The following THRB variants were observed in gnomAD, a reference collection of about 807,000 sequenced individuals.
THRB encodes nuclear receptor subfamily 1 group A member 2.
A neutral mutation model predicts 47.8 loss-of-function variants in THRB; 12 were observed. The observed-to-expected ratio is 0.25, with a 90% confidence interval of 0.16 to 0.41. The LOEUF is 0.41. Ranked by LOEUF, THRB falls within the 10% of genes least tolerant of loss-of-function variation. THRB has a pLI of 1.00. For synonymous variants in THRB, 218 were observed against 212.2 expected (o/e 1.03, Z -0.24); for missense variants, 348 against 589.2 (o/e 0.59, Z 4.24).
intron 1 of THRB, among the ~76,000 whole-genome samples, chr3:24,487,347 C>T (rs1466208465): frequency 8.2e-6 from 1 of 122,452 alleles, no homozygotes; most frequent in African/African-American, 4.2e-5. Context: ...CACACAAGCA[C>T]ACACACACAC....
At chr3:24,470,245 C>G (rs530398025) in intron 1 of THRB, among the ~76,000 whole-genome samples, 1 of 152,294 alleles carries the variant, frequency 6.6e-6, no homozygotes, top group East Asian at 1.9e-4. Flanking sequence ...TTATGAGAAA[C>G]AAATTGTCAC....
intron 9 of THRB, among the ~76,000 whole-genome samples, chr3:24,130,397 A>T (rs2033662503): frequency 6.6e-6 from 1 of 152,138 alleles, no homozygotes; most frequent in Non-Finnish European, 1.5e-5. Context: ...CCTTCAACTG[A>T]AATATCTCTT....
At chr3:24,278,986 C>A (rs74417927) in intron 3 of THRB, among the ~76,000 whole-genome samples, 1 of 151,964 alleles carries the variant, frequency 6.6e-6, no homozygotes, top group Non-Finnish European at 1.5e-5. Context: ...TTAGGACTAC[C>A]GGTGCATACT....
At chr3:24,332,599 C>T (rs2061994156) in intron 2 of THRB, among the ~76,000 whole-genome samples, 1 of 152,220 alleles carries the variant, frequency 6.6e-6, no homozygotes, top group African/African-American at 2.4e-5. Context: ...ATTCTTTAGG[C>T]ACTGCTCCTA....
chr3:24,414,364 C>T (rs2068570332), intron 1 of THRB, among the ~76,000 whole-genome samples: 1 of 151,796 alleles, frequency 6.6e-6, no homozygotes, highest in Non-Finnish European at 1.5e-5. Flanking sequence ...ATGGTAAGAA[C>T]GTATTTATTG....
chr3:24,247,602 G>A (rs888739805), intron 3 of THRB, among the ~76,000 whole-genome samples: 2 of 152,086 alleles, frequency 1.3e-5, no homozygotes, highest in Non-Finnish European at 1.5e-5. Flanking sequence ...CATTTATATT[G>A]CCTTTTTACA....
At chr3:24,433,359 G>A (rs1042481643) in intron 1 of THRB, among the ~76,000 whole-genome samples, 1 of 152,100 alleles carries the variant, frequency 6.6e-6, no homozygotes, top group African/African-American at 2.4e-5. Flanking sequence ...GATGCAGGAG[G>A]GGTCAGAGGC....
chr3:24,411,640 A>G (rs1360835606), intron 1 of THRB, among the ~76,000 whole-genome samples: 4 of 151,820 alleles, frequency 2.6e-5, no homozygotes, highest in African/African-American at 7.3e-5. Context: ...ATCTGAATCA[A>G]TAACTCTCAG....
At chr3:24,413,020 G>C (rs1438515626) in intron 1 of THRB, among the ~76,000 whole-genome samples, 2 of 151,724 alleles carry the variant, frequency 1.3e-5, no homozygotes, top group African/African-American at 2.4e-5. Context: ...CAGTTAAAGA[G>C]GCTTTCTTAC....
chr3:24,481,402 A>T (rs942917938), intron 1 of THRB, among the ~76,000 whole-genome samples: 22 of 152,172 alleles, frequency 1.4e-4, no homozygotes, highest in African/African-American at 5.3e-4. Flanking sequence ...CATCCTAATT[A>T]TATGAAAAGA....
intron 1 of THRB, among the ~76,000 whole-genome samples, chr3:24,452,891 A>C (rs2072803867): frequency 6.6e-6 from 1 of 152,134 alleles, no homozygotes; most frequent in African/African-American, 2.4e-5. Context: ...CTGTTTTGCA[A>C]ATTTCTCCAG....
chr3:24,338,156 T>C (rs1023865334), intron 1 of THRB, among the ~76,000 whole-genome samples: 37 of 152,256 alleles, frequency 2.4e-4, no homozygotes, highest in Admixed American at 2.2e-3. Context: ...ACCCCAAATA[T>C]AAACATTTTG....
At chr3:24,260,926 C>A (rs894837607) in intron 3 of THRB, among the ~76,000 whole-genome samples, 6 of 152,188 alleles carry the variant, frequency 3.9e-5, no homozygotes, top group Admixed American at 3.9e-4. Context: ...TTTGTTAAAA[C>A]AGGTTGCTGG....
At chr3:24,363,442 T>C (rs933232706) in intron 1 of THRB, among the ~76,000 whole-genome samples, 1 of 152,158 alleles carries the variant, frequency 6.6e-6, no homozygotes, top group Non-Finnish European at 1.5e-5. Flanking sequence ...GCCTAAAGCC[T>C]CAGGGGAACT....
intron 5 of THRB, among the ~76,000 whole-genome samples, chr3:24,174,468 C>A (rs909292185): frequency 1.3e-5 from 2 of 152,164 alleles, no homozygotes; most frequent in African/African-American, 4.8e-5. Flanking sequence ...TTCCATTCAT[C>A]CACCACGTTG....
intron 1 of THRB, among the ~76,000 whole-genome samples, chr3:24,342,324 G>T (rs2062721147): frequency 6.6e-6 from 1 of 152,126 alleles, no homozygotes; most frequent in Non-Finnish European, 1.5e-5. Flanking sequence ...CGTAAGTGAA[G>T]GAAAAGATGT....
intron 3 of THRB, among the ~76,000 whole-genome samples, chr3:24,249,204 A>G (rs2050410937): frequency 6.6e-6 from 1 of 152,192 alleles, no homozygotes; most frequent in Non-Finnish European, 1.5e-5. Context: ...AAAGGATCAA[A>G]CTTTTAAAAA....
chr3:24,123,402 C>T (rs2032077533), intron 10 of THRB, among the ~76,000 whole-genome samples: 1 of 152,110 alleles, frequency 6.6e-6, no homozygotes, highest in Admixed American at 6.5e-5. Context: ...AAAGGTGATG[C>T]CTCCCTCCTA....
At chr3:24,332,806 C>T (rs993916240) in intron 2 of THRB, among the ~76,000 whole-genome samples, 1 of 152,206 alleles carries the variant, frequency 6.6e-6, no homozygotes, top group Non-Finnish European at 1.5e-5. Flanking sequence ...CCTGTAATCT[C>T]AGCACTTTGG....
Sources: gnomAD v4.1 joint callset for allele counts (sites outside exome capture counted in the v4.1 genomes callset) on GRCh38, gnomAD v4.1.1 for gene constraint, MANE v1.5 for transcripts, NCBI Gene and HGNC (gene_info 2026-07-23, HGNC 2026-07-21) for gene names.